Variants in TENM2 observed in about 807,000 individuals in gnomAD.
TENM2 encodes teneurin-2.
TENM2 carries 52 observed loss-of-function variants against 245.2 expected under a neutral mutation model. The observed-to-expected ratio is 0.21, with a 90% CI of 0.17 to 0.27. The LOEUF is 0.27. Among genes scored for constraint, TENM2 ranks in the 10% least tolerant of loss-of-function variants. TENM2 has a pLI of 1.00. For missense variants in TENM2, 3,046 were observed against 3,666.8 expected, an observed-to-expected ratio of 0.83 and a Z score of 4.37; for synonymous variants, 1,363 against 1,438.9, an observed-to-expected ratio of 0.95 and a Z score of 1.19.
chr5:167,321,934 T>A lies in TENM2; in HGVS notation c.226+36871T>A, dbSNP rs555878425. Among the ~76,000 whole-genome samples, 12 of 151,434 alleles carry A rather than the reference T, an allele frequency of 7.9e-5. No homozygotes were observed. In the South Asian group the frequency reaches 2.5e-3, roughly 32 times the overall value. On this transcript the variant is annotated intron_variant, in intron 1 of 28. Transcript: ENST00000518659. The stretch of plus-strand genomic sequence containing the variant: ...ACCTCTGCCTCCCAGGTTCAAGCAA[T>A]TCTCTGGCCTCAGCCTCCCTAGTAG...
At chr5:168,016,526 A>G (rs887995069) in intron 5 of TENM2, among the ~76,000 whole-genome samples, 21 of 152,272 alleles carry the variant, frequency 1.4e-4, no homozygotes, top group African/African-American at 4.6e-4. Flanking sequence ...CAATTAGTGA[A>G]GAGCAAGAGT....
chr5:167,861,383 G>A (rs993365618), intron 2 of TENM2, among the ~76,000 whole-genome samples: 9 of 152,162 alleles, frequency 5.9e-5, no homozygotes, highest in Non-Finnish European at 8.8e-5. Context: ...TGGTTTTCAG[G>A]CACCATTTGG....
At chr5:168,154,191 C>T (rs1391594984) in intron 12 of TENM2, among the ~76,000 whole-genome samples, 2 of 123,622 alleles carry the variant, frequency 1.6e-5, no homozygotes, top group South Asian at 5.5e-4. Flanking sequence ...AACATCAAAA[C>T]ACCAAAAAGT....
At chr5:167,671,618 T>G (rs1463090615) in intron 2 of TENM2, among the ~76,000 whole-genome samples, 2 of 152,064 alleles carry the variant, frequency 1.3e-5, no homozygotes, top group African/African-American at 4.8e-5. Flanking sequence ...ATTATGTATG[T>G]CTTTATGAAT....
intron 2 of TENM2, among the ~76,000 whole-genome samples, chr5:167,672,912 C>CAAA (rs35274077): frequency 9.0e-6 from 1 of 110,868 alleles, no homozygotes; most frequent in South Asian, 2.6e-4. Flanking sequence ...TCAGGCAAAG[C>CAAA]AAAAAAAAAA....
At chr5:168,201,313 T>C (rs1359219749) in intron 17 of TENM2, among the ~76,000 whole-genome samples, 2 of 151,918 alleles carry the variant, frequency 1.3e-5, no homozygotes, top group Admixed American at 1.3e-4. Flanking sequence ...CACACATACA[T>C]ATATACAGAT....
intron 1 of TENM2, among the ~76,000 whole-genome samples, chr5:167,358,842 CA>C (rs1561891630): frequency 1.3e-4 from 13 of 101,900 alleles, no homozygotes; most frequent in East Asian, 6.6e-4. Flanking sequence ...CACACACACA[CA>C]CACACACACC....
At chr5:167,231,724 A>C in the TENM2 span, among the ~76,000 whole-genome samples, 1 of 152,204 alleles carries the variant, frequency 6.6e-6, no homozygotes, top group African/African-American at 2.4e-5. Context: ...AGAAAAACCC[A>C]TTTTCTGAGG....
intron 6 of TENM2, among the ~76,000 whole-genome samples, chr5:168,056,240 T>C (rs891439215): frequency 6.6e-6 from 1 of 152,204 alleles, no homozygotes; most frequent in Admixed American, 6.5e-5. Context: ...ACTGAGATGG[T>C]TCCCCATGCT....
intron 2 of TENM2, among the ~76,000 whole-genome samples, chr5:167,646,577 C>T (rs908817980): frequency 2.0e-5 from 3 of 151,714 alleles, no homozygotes; most frequent in South Asian, 2.1e-4. Context: ...TGGTGGCGAT[C>T]CTGCTTTGCT....
chr5:167,157,158 A>G, the TENM2 span, among the ~76,000 whole-genome samples: 57 of 152,292 alleles, frequency 3.7e-4, no homozygotes, highest in African/African-American at 1.4e-3. Flanking sequence ...TAGTAGCCCC[A>G]TTAGTTCCTT....
At chr5:166,992,272 G>T in the TENM2 span, among the ~76,000 whole-genome samples, 2 of 152,166 alleles carry the variant, frequency 1.3e-5, no homozygotes, top group African/African-American at 4.8e-5. Context: ...GATCTAGCCA[G>T]AGGAATAGTT....
At chr5:167,664,753 G>T (rs1305527492) in intron 2 of TENM2, among the ~76,000 whole-genome samples, 1 of 152,168 alleles carries the variant, frequency 6.6e-6, no homozygotes, top group Non-Finnish European at 1.5e-5. Context: ...TCAGTATTTT[G>T]TCTTTTATAG....
chr5:167,635,297 T>C (rs1360371732), intron 2 of TENM2, among the ~76,000 whole-genome samples: 1 of 152,226 alleles, frequency 6.6e-6, no homozygotes, highest in Non-Finnish European at 1.5e-5. Context: ...AATTTTTCTA[T>C]TGTATCTACG....
intron 2 of TENM2, among the ~76,000 whole-genome samples, chr5:167,730,192 C>A (rs1001352195): frequency 6.6e-6 from 1 of 152,132 alleles, no homozygotes; most frequent in African/African-American, 2.4e-5. Context: ...ACTACAGAAA[C>A]CTATTTATGA....
intron 1 of TENM2, among the ~76,000 whole-genome samples, chr5:167,329,404 T>C (rs1435216646): frequency 8.8e-6 from 1 of 113,354 alleles, no homozygotes; most frequent in Admixed American, 8.9e-5. Flanking sequence ...AAAAAAAAAA[T>C]AGCCTGGCGT....
At chr5:166,988,414 C>T in the TENM2 span, among the ~76,000 whole-genome samples, 7 of 152,192 alleles carry the variant, frequency 4.6e-5, no homozygotes, top group Non-Finnish European at 1.0e-4. Context: ...CTCTTACTGC[C>T]AGTCCTTCTG....
intron 2 of TENM2, among the ~76,000 whole-genome samples, chr5:167,527,190 G>T (rs1771179261): frequency 6.6e-6 from 1 of 151,958 alleles, no homozygotes; most frequent in Non-Finnish European, 1.5e-5. Flanking sequence ...GACATTCTTG[G>T]ATTTAACTTT....
At chr5:167,905,378 T>C (rs1239471646) in intron 3 of TENM2, among the ~76,000 whole-genome samples, 1 of 152,152 alleles carries the variant, frequency 6.6e-6, no homozygotes, top group Non-Finnish European at 1.5e-5. Flanking sequence ...ACCTGTTGAA[T>C]GAATAAAAAT....
Sources: gnomAD v4.1 joint callset for allele counts (sites outside exome capture counted in the v4.1 genomes callset) on GRCh38, gnomAD v4.1.1 for gene constraint, MANE v1.5 for transcripts, NCBI Gene and HGNC (gene_info 2026-07-23, HGNC 2026-07-21) for gene names.